Variants in CLCN5 observed in about 807,000 individuals in gnomAD.
CLCN5 encodes Cl-/H+ antiporter 5, also known as H(+)/Cl(-) exchange transporter 5.
Under a neutral mutation model 54.0 loss-of-function variants are expected in CLCN5, and 17 were observed. The ratio of observed to expected loss-of-function variants is 0.31; its 90% CI spans 0.22 to 0.47. The LOEUF (loss-of-function observed/expected upper bound fraction) is 0.47, where lower values mean the gene tolerates loss of function less well. Ranked by LOEUF, CLCN5 falls within the 20% of genes least tolerant of loss-of-function variation. The probability of loss-of-function intolerance (pLI) is 1.00; values close to 1 mark genes in which losing one functional copy is unlikely to be tolerated. For synonymous variants in CLCN5, 222 were observed against 233.0 expected, an observed-to-expected ratio of 0.95 and a Z score of 0.43; for missense variants, 448 against 646.7, an observed-to-expected ratio of 0.69 and a Z score of 3.33.
chrX:50,081,200 C>G lies in CLCN5; in HGVS notation c.727-441C>G, dbSNP rs371637704. Among the ~76,000 whole-genome samples, 9 of 110,308 alleles carry G rather than the reference C, an allele frequency of 8.2e-5. No homozygotes were observed. In the South Asian group the frequency reaches 1.2e-3, roughly 14 times the overall value. ...AGGATGACTTTGCCCTTCCCTGTTT[C>G]CTGACCAGGTAATAAGTCACAATTT... On this transcript the variant is annotated intron_variant, in intron 8 of 14. Coordinates refer to ENST00000376091, the MANE Select transcript of CLCN5 (RefSeq NM_001127898.4).
rs951221368 is a variant in CLCN5, at chrX:50,093,974, C to T, written c.*1755C>T. On this transcript the variant is annotated 3_prime_UTR_variant, in exon 15 of 15. Transcript: ENST00000376091. ...TGATTTTATAGCTCTGTTCCTAGCA[C>T]TTCTCATCATCCTTCCAGCCCAGAA... 1.8e-5 allele frequency: 2 copies of T among 111,027 alleles called. No individual in the cohort carries two copies. Among genetic ancestry groups the T allele is most frequent in the African/African-American group, 6.6e-5 (2 of 30,505 alleles). The allele number at this position is 111,027 out of a possible 1,213,427, so 9.1% of individuals were successfully genotyped here.
intron 4 of CLCN5, chrX:50,054,612 G>C (rs1396374239): frequency 9.0e-6 from 1 of 111,509 alleles, no homozygotes; most frequent in Non-Finnish European, 1.9e-5. Context: ...GTTTCTACCA[G>C]CTCCAGCCAT....
Position 50,042,394 on chromosome X carries a change from A to G in CLCN5, c.95A>G (p.Asp32Gly), listed in dbSNP as rs202230774. The part of the protein sequence containing the change: ...QNSSSDEDLM[D>G]IPATAMDFSM... The stretch of plus-strand genomic sequence containing the variant: ...AGCTCCAGTGATGAAGACCTGATGG[A>G]CATTCCAGCAACCGCTATGGATTTC... Residue 32 changes from aspartate to glycine, a missense_variant, in exon 4 of 15, where the codon GAC becomes GGC. By Grantham distance (94) the Asp-to-Gly change is moderately conservative (BLOSUM62 -1). Transcript: ENST00000376091. 301 of 1,161,946 alleles carry G rather than the reference A, an allele frequency of 2.6e-4. 1 individual carries two copies. Among genetic ancestry groups the G allele is most frequent in the African/African-American group, 5.4e-5 (3 of 56,002 alleles).
At chrX:50,070,884 G>C (rs556640425) in intron 5 of CLCN5, among the ~76,000 whole-genome samples, 1 of 111,195 alleles carries the variant, frequency 9.0e-6, no homozygotes, top group South Asian at 3.8e-4. Context: ...ACAATTTCTG[G>C]TTTGTATAAG....
chrX:50,002,643 C>T (rs1929899507), intron 3 of CLCN5, among the ~76,000 whole-genome samples: 1 of 105,882 alleles, frequency 9.4e-6, no homozygotes, highest in African/African-American at 3.5e-5. Context: ...GTCTGTCTCT[C>T]TGTCTCTGTC....
intron 3 of CLCN5, among the ~76,000 whole-genome samples, chrX:49,991,534 G>A (rs1336140577): frequency 8.9e-6 from 1 of 111,977 alleles, no homozygotes; most frequent in South Asian, 3.7e-4. Context: ...CTTTTGCTGT[G>A]CAGAAGCTTT....
chrX:50,014,842 CT>C (rs1930705439), intron 3 of CLCN5, among the ~76,000 whole-genome samples: 1 of 110,548 alleles, frequency 9.0e-6, no homozygotes, highest in Non-Finnish European at 1.9e-5. Flanking sequence ...AATAAATGTC[CT>C]TATTAAATAA....
At chrX:50,077,139 T>G (rs1260786433) in intron 7 of CLCN5, among the ~76,000 whole-genome samples, 2 of 111,575 alleles carry the variant, frequency 1.8e-5, no homozygotes, top group African/African-American at 6.5e-5. Context: ...CATACACAAA[T>G]ACAAACAGTC....
At chrX:50,060,203 C>T (rs1389361653) in intron 4 of CLCN5, among the ~76,000 whole-genome samples, 1 of 102,752 alleles carries the variant, frequency 9.7e-6, no homozygotes, top group Non-Finnish European at 2.0e-5. Context: ...CCAGCGTGAG[C>T]GACGCAGAAG....
chrX:49,945,604 G>GTTTTTTTTTT (rs1162822439), intron 3 of CLCN5, among the ~76,000 whole-genome samples: 247 of 71,096 alleles, frequency 3.5e-3, no homozygotes, highest in Non-Finnish European at 4.6e-3. Context: ...CGCCCAGCTA[G>GTTTTTTTTTT]TTTTTTTTTT....
chrX:50,030,146 G>A (rs1447269761), intron 3 of CLCN5, among the ~76,000 whole-genome samples: 3 of 111,699 alleles, frequency 2.7e-5, no homozygotes, highest in Admixed American at 9.5e-5. Flanking sequence ...AAGATGCCAC[G>A]GGGACTTTAG....
chrX:49,937,393 T>G (rs781847643), intron 3 of CLCN5, among the ~76,000 whole-genome samples: 1 of 111,476 alleles, frequency 9.0e-6, no homozygotes. Flanking sequence ...ATACTAAAAT[T>G]TAAATAAAAA....
At chrX:50,035,241 T>C (rs1931936101) in intron 3 of CLCN5, among the ~76,000 whole-genome samples, 1 of 111,877 alleles carries the variant, frequency 8.9e-6, no homozygotes, top group Admixed American at 9.6e-5. Context: ...TCTTCCCAAC[T>C]AGATCATAAA....
chrX:49,944,756 A>G (rs1463536047), intron 3 of CLCN5, among the ~76,000 whole-genome samples: 3 of 111,749 alleles, frequency 2.7e-5, no homozygotes, highest in Admixed American at 1.9e-4. Flanking sequence ...GATGAAGCCA[A>G]CTTGATCGTG....
At chrX:49,973,766 C>A (rs1181523115) in intron 3 of CLCN5, among the ~76,000 whole-genome samples, 1 of 110,279 alleles carries the variant, frequency 9.1e-6, no homozygotes, top group Non-Finnish European at 1.9e-5. Flanking sequence ...TCCTAGTCAG[C>A]CATGCATTTT....
intron 3 of CLCN5, among the ~76,000 whole-genome samples, chrX:50,040,720 A>C (rs6610140): frequency 0.016 from 1,782 of 111,579 alleles, 33 homozygotes; most frequent in African/African-American, 0.054. Context: ...CATCACCTTG[A>C]TGTTGTTAAC....
intron 4 of CLCN5, among the ~76,000 whole-genome samples, chrX:50,057,480 T>C (rs1932776992): frequency 4.9e-4 from 2 of 4,085 alleles, no homozygotes; most frequent in South Asian, 0.059. Flanking sequence ...TCCAGGACTC[T>C]CCTGGATAGA....
chrX:49,991,661 T>A, intron 3 of CLCN5, among the ~76,000 whole-genome samples: 1 of 112,164 alleles, frequency 8.9e-6, no homozygotes, highest in African/African-American at 3.2e-5. Context: ...GGCAAGGTGT[T>A]TAATAATGCT....
Position 49,975,801 on chromosome X carries a change from C to T in CLCN5, c.16+50487C>T, listed in dbSNP as rs1325391043. On this transcript the variant is annotated intron_variant, in intron 3 of 14. Coordinates refer to ENST00000376091, the MANE Select transcript of CLCN5 (RefSeq NM_001127898.4). Reference sequence around the variant, plus strand: ...GTATGAGTGATTAAACAAAAAGGACCAAATAATGAGAAAGACCTGCATCCT... The same window carrying T: ...GTATGAGTGATTAAACAAAAAGGACTAAATAATGAGAAAGACCTGCATCCT... Among the ~76,000 whole-genome samples, 5 of 111,901 alleles carry T rather than the reference C, an allele frequency of 4.5e-5. No individual in the cohort carries two copies. The Admixed American group carries it at 4.7e-4, about 11-fold the overall frequency.
Sources: gnomAD v4.1 joint callset for allele counts (sites outside exome capture counted in the v4.1 genomes callset) on GRCh38, gnomAD v4.1.1 for gene constraint, MANE v1.5 for transcripts, NCBI Gene and HGNC (gene_info 2026-07-23, HGNC 2026-07-21) for gene names.